ABHD6: variants seen among roughly 807,000 people sequenced by gnomAD.
ABHD6 encodes abhydrolase domain containing 6, acylglycerol lipase, also known as monoacylglycerol lipase ABHD6.
In ABHD6, 33 loss-of-function variants were observed where a neutral mutation model predicts 38.8. The observed-to-expected ratio is 0.85, with a 90% CI of 0.64 to 1.14. The LOEUF (loss-of-function observed/expected upper bound fraction) is 1.14. ABHD6 is among the 50% of genes most tolerant of loss of function. The probability of loss-of-function intolerance (pLI) is 0.00; values close to 1 mark genes in which losing one functional copy is unlikely to be tolerated. For synonymous variants in ABHD6, 147 were observed against 161.6 expected (o/e 0.91, Z 0.69); for missense variants, 380 against 422.6 (o/e 0.90, Z 0.88).
At chr3:58,244,544 TG>T (rs1283171162) in intron 1 of ABHD6, among the ~76,000 whole-genome samples, 1 of 152,100 alleles carries the variant, frequency 6.6e-6, no homozygotes, top group African/African-American at 2.4e-5. Flanking sequence ...GCAGGAGGAT[TG>T]CTTGAGGCCA....
Position 58,256,463 on chromosome 3 carries a change from C to G in ABHD6, c.-25-99C>G. 4.3e-6 allele frequency: 3 copies of G among 695,762 alleles called. No individual in the cohort carries two copies. The East Asian group carries it at 8.2e-5, about 19-fold the overall frequency. The allele number at this position is 695,762 out of a possible 1,614,324, so 43.1% of individuals were successfully genotyped here. A position where few individuals can be genotyped will look rare whatever the true frequency, so the allele number is the denominator to read the frequency against. On this transcript the variant is annotated intron_variant, in intron 2 of 9. Transcript: ENST00000478253. This position sits in a 1 kb window ranked among gnomAD's most constrained non-coding sequence, Gnocchi z 4.3. ...CTTTGGTTTCCTCCTGTTCTTTACC[C>G]TCACTCTGGGAACTTCACTTTTCTT...
intron 7 of ABHD6, among the ~76,000 whole-genome samples, chr3:58,277,239 A>G (rs1188196579): frequency 6.6e-6 from 1 of 152,164 alleles, no homozygotes; most frequent in Non-Finnish European, 1.5e-5. Flanking sequence ...GACTCTTACT[A>G]TCCATGAGCA....
chr3:58,266,227 T>C lies in ABHD6; in HGVS notation c.120-962T>C, dbSNP rs9872249. Among the ~76,000 whole-genome samples the C allele has an allele frequency of 0.037, 5,681 of 152,198 alleles. 338 individuals carry two copies. The highest frequency in any genetic ancestry group is 0.13 in the African/African-American group (5,252 of 41,516). ...ACTTTGGGAGGCCAACGTGGATGGA[T>C]CACTTGAGGCCAGGAGTTTGAGACT... On this transcript the variant is annotated intron_variant, in intron 3 of 9. Coordinates refer to ENST00000478253, the MANE Select transcript of ABHD6 (RefSeq NM_001320126.2). The surrounding 1 kb of genome is among the most constrained non-coding windows in gnomAD (Gnocchi z 4.0).
chr3:58,269,941 G>A lies in ABHD6; in HGVS notation c.390+507G>A, dbSNP rs2097443630. ...TGGGGTAGCCTGTAAGTTTCAGGTT[G>A]ACCTTAAATATTTTCCCCCAAATGA... On this transcript the variant is annotated intron_variant, in intron 5 of 9. Transcript: ENST00000478253. The surrounding 1 kb of genome is among the most constrained non-coding windows in gnomAD (Gnocchi z 4.4). Among the ~76,000 whole-genome samples the A allele has an allele frequency of 6.6e-6, 1 of 152,102 alleles. No individual in the cohort carries two copies.
At chr3:58,270,874 C>G in intron 5 of ABHD6, 58 bp from the exon 6 acceptor site, 1 of 1,529,656 alleles carries the variant, frequency 6.5e-7, no homozygotes, top group Non-Finnish European at 8.8e-7. Flanking sequence ...ATGCTGTAGT[C>G]ACCATTGCCA....
chr3:58,274,316 A>T (rs2097447188), intron 6 of ABHD6, among the ~76,000 whole-genome samples: 1 of 152,154 alleles, frequency 6.6e-6, no homozygotes, highest in Admixed American at 6.6e-5. Context: ...CTTAAATTCT[A>T]TCATACATAT....
At chr3:58,260,363 T>G (rs28399000) in intron 3 of ABHD6, among the ~76,000 whole-genome samples, 23,283 of 152,086 alleles carry the variant, frequency 0.15, 2,737 homozygotes, top group African/African-American at 0.33. Context: ...CCAGCTGGTT[T>G]GGGAAGATGA....
chr3:58,270,166 T>A (rs917969075), intron 5 of ABHD6, among the ~76,000 whole-genome samples: 1 of 151,900 alleles, frequency 6.6e-6, no homozygotes, highest in Non-Finnish European at 1.5e-5. Flanking sequence ...GGATGGATGG[T>A]TGGATGGATG....
chr3:58,258,145 TA>T (rs1233613297), intron 3 of ABHD6, among the ~76,000 whole-genome samples: 1 of 151,966 alleles, frequency 6.6e-6, no homozygotes, highest in African/African-American at 2.4e-5. Context: ...CAATCTCTAC[TA>T]AAAATACAAA....
intron 7 of ABHD6, 65 bp downstream of exon 7, chr3:58,274,880 C>T: frequency 6.5e-7 from 1 of 1,546,400 alleles, no homozygotes; most frequent in South Asian, 1.2e-5. Flanking sequence ...TACCAGCTTC[C>T]TGCACGTATT....
chr3:58,284,456 CT>C (rs531312734), intron 7 of ABHD6, among the ~76,000 whole-genome samples: 483 of 142,042 alleles, frequency 3.4e-3, no homozygotes, highest in Admixed American at 4.3e-3. Context: ...CTCATTATGT[CT>C]TTTTTTTTTT....
chr3:58,273,718 C>T lies in ABHD6; in HGVS notation c.524-940C>T, dbSNP rs1383964352. ...AAAGGGGAACATCACACACTGGGGCCTGTCAGAGGGTGGAGGTCACAGGGA... is the reference window on the plus strand; with the variant it reads ...AAAGGGGAACATCACACACTGGGGCTTGTCAGAGGGTGGAGGTCACAGGGA... On this transcript the variant is annotated intron_variant, in intron 6 of 9. Coordinates refer to ENST00000478253, the MANE Select transcript of ABHD6 (RefSeq NM_001320126.2). The surrounding 1 kb of genome is among the most constrained non-coding windows in gnomAD (Gnocchi z 4.8). Among the ~76,000 whole-genome samples, 4 of 151,978 alleles carry T rather than the reference C, an allele frequency of 2.6e-5. No individual in the cohort carries two copies. The highest frequency in any genetic ancestry group is 5.9e-5 in the Non-Finnish European group (4 of 68,002).
Position 58,263,467 on chromosome 3 carries a change from G to A in ABHD6, c.120-3722G>A, listed in dbSNP as rs1276162664. On this transcript the variant is annotated intron_variant, in intron 3 of 9. Transcript: ENST00000478253. This position sits in a 1 kb window ranked among gnomAD's most constrained non-coding sequence, Gnocchi z 4.9. ...GCCTAGGTAAACTTGTCCAGTGGAT[G>A]TACCAATTAAATGAAAAATATCGAG... 6.6e-6 allele frequency among the ~76,000 whole-genome samples: 1 copy of A among 152,116 alleles called. No homozygotes were observed. The highest frequency in any genetic ancestry group is 1.5e-5 in the Non-Finnish European group (1 of 68,006).
intron 7 of ABHD6, among the ~76,000 whole-genome samples, chr3:58,279,545 A>G (rs1044809692): frequency 2.6e-5 from 4 of 151,704 alleles, no homozygotes; most frequent in Non-Finnish European, 5.9e-5. Flanking sequence ...GTCTTGTCCA[A>G]TTTGCCAGTC....
At position 58,285,180 on chromosome 3, in the gene ABHD6, A is replaced by T; in HGVS notation, c.736+41A>T. 1 of 1,597,044 alleles carries T rather than the reference A, an allele frequency of 6.3e-7. No homozygotes were observed. Reference sequence around the variant, plus strand: ...TTCAGCTTGGAGCTTGTTACAAGTGAAGCTCTGTGGATGGATGGCTTTTAT... The same window carrying T: ...TTCAGCTTGGAGCTTGTTACAAGTGTAGCTCTGTGGATGGATGGCTTTTAT... On this transcript the variant is annotated intron_variant, in intron 8 of 9. Transcript: ENST00000478253. The surrounding 1 kb of genome is among the most constrained non-coding windows in gnomAD (Gnocchi z 4.9).
Position 58,269,207 on chromosome 3 carries a change from A to G in ABHD6, c.277-114A>G, listed in dbSNP as rs2097443053. 2 of 706,516 alleles carry G rather than the reference A, an allele frequency of 2.8e-6. No individual in the cohort carries two copies. Among genetic ancestry groups the G allele is most frequent in the Non-Finnish European group, 2.5e-6 (1 of 396,390 alleles). The allele number at this position is 706,516 out of a possible 1,614,324, so 43.8% of individuals were successfully genotyped here. On this transcript the variant is annotated intron_variant, in intron 4 of 9. Transcript: ENST00000478253. The surrounding 1 kb of genome is among the most constrained non-coding windows in gnomAD (Gnocchi z 4.4). The stretch of plus-strand genomic sequence containing the variant: ...GTAAAACACTGAGTGGCCAAGACCC[A>G]TACATCCCCAGGGATGGCTGTCTGG...
chr3:58,242,336 A>C (rs1250024812), intron 1 of ABHD6, among the ~76,000 whole-genome samples: 4 of 152,210 alleles, frequency 2.6e-5, no homozygotes, highest in Non-Finnish European at 4.4e-5. Context: ...AAGCTGTGTG[A>C]CATTGAGCAG....
intron 9 of ABHD6, among the ~76,000 whole-genome samples, chr3:58,292,103 G>A (rs188751228): frequency 4.6e-5 from 7 of 152,344 alleles, no homozygotes; most frequent in African/African-American, 1.7e-4. Flanking sequence ...CTGTGAGTGA[G>A]TGACAAGGCA....
chr3:58,280,053 G>A (rs192115680), intron 7 of ABHD6, among the ~76,000 whole-genome samples: 3 of 152,192 alleles, frequency 2.0e-5, no homozygotes, highest in Non-Finnish European at 2.9e-5. Context: ...TGCTGAATCT[G>A]ACAATTATGT....
Sources: allele counts gnomAD v4.1 joint callset (sites outside exome capture counted in the v4.1 genomes callset), GRCh38; gene constraint gnomAD v4.1.1; non-coding constraint Gnocchi (gnomAD v3.1); transcripts MANE v1.5; gene names NCBI Gene and HGNC (gene_info 2026-07-23, HGNC 2026-07-21).